The following PPARGC1A variants were observed in gnomAD, a reference collection of about 807,000 sequenced individuals.
PPARGC1A encodes the protein peroxisome proliferator-activated receptor gamma coactivator 1-alpha.
Under a neutral mutation model 88.7 loss-of-function variants are expected in PPARGC1A, and 25 were observed. That is an observed-to-expected ratio of 0.28 (90% CI 0.21 to 0.39). The LOEUF (loss-of-function observed/expected upper bound fraction) is 0.39, where lower values mean the gene tolerates loss of function less well. PPARGC1A is among the 10% of genes least tolerant of loss of function. The pLI, the probability that PPARGC1A is intolerant of heterozygous loss-of-function variation, is 1.00. For synonymous variants in PPARGC1A, 363 were observed against 355.6 expected, an observed-to-expected ratio of 1.02 and a Z score of -0.24; for missense variants, 880 against 968.7, an observed-to-expected ratio of 0.91 and a Z score of 1.22.
At chr4:24,151,669 G>A in the PPARGC1A span, among the ~76,000 whole-genome samples, 13 of 152,104 alleles carry the variant, frequency 8.5e-5, no homozygotes, top group Admixed American at 5.9e-4. Flanking sequence ...ACAAAGATGA[G>A]TAGGTACTAT....
the PPARGC1A span, among the ~76,000 whole-genome samples, chr4:24,413,161 A>G: frequency 9.5e-4 from 145 of 152,246 alleles, 1 homozygote; most frequent in African/African-American, 3.4e-3. Flanking sequence ...TGACTCCGCC[A>G]ACAGTAAAGA....
At chr4:23,807,297 T>G (rs149644223) in intron 10 of PPARGC1A, among the ~76,000 whole-genome samples, 3 of 152,302 alleles carry the variant, frequency 2.0e-5, no homozygotes, top group Non-Finnish European at 4.4e-5. Context: ...TTATCTAACC[T>G]AATTCATTAG....
At chr4:23,817,759 A>G (rs1468000464) in intron 7 of PPARGC1A, among the ~76,000 whole-genome samples, 1 of 152,212 alleles carries the variant, frequency 6.6e-6, no homozygotes, top group Non-Finnish European at 1.5e-5. Flanking sequence ...ACCGGAGAAT[A>G]TCTCAAAGCA....
chr4:24,465,158 G>A, the PPARGC1A span, among the ~76,000 whole-genome samples: 1 of 152,156 alleles, frequency 6.6e-6, no homozygotes, highest in African/African-American at 2.4e-5. Context: ...GAAAAACCGT[G>A]CTCTGGCAAA....
the PPARGC1A span, among the ~76,000 whole-genome samples, chr4:24,051,039 AT>A: frequency 6.6e-6 from 1 of 151,826 alleles, no homozygotes; most frequent in Non-Finnish European, 1.5e-5. Flanking sequence ...TACAAAAAAA[AT>A]AGCCAGGCAT....
the PPARGC1A span, among the ~76,000 whole-genome samples, chr4:24,043,126 C>T: frequency 1.3e-5 from 2 of 152,264 alleles, no homozygotes; most frequent in South Asian, 4.2e-4. Flanking sequence ...CACAGGTCCT[C>T]TCCTATGGAA....
chr4:24,158,553 A>G, the PPARGC1A span, among the ~76,000 whole-genome samples: 1 of 152,184 alleles, frequency 6.6e-6, no homozygotes, highest in Non-Finnish European at 1.5e-5. Flanking sequence ...AGATAATTAT[A>G]TTGTAATTAG....
the PPARGC1A span, among the ~76,000 whole-genome samples, chr4:24,057,902 G>T: frequency 1.3e-5 from 2 of 152,202 alleles, no homozygotes; most frequent in Non-Finnish European, 2.9e-5. Flanking sequence ...GGTTCCCAAA[G>T]CAATGGGCTC....
chr4:24,196,743 C>T, the PPARGC1A span, among the ~76,000 whole-genome samples: 2 of 152,192 alleles, frequency 1.3e-5, no homozygotes, highest in Non-Finnish European at 2.9e-5. Context: ...ATCTCAAATG[C>T]TAAACAAAAA....
At chr4:24,355,360 G>A in the PPARGC1A span, among the ~76,000 whole-genome samples, 1 of 152,190 alleles carries the variant, frequency 6.6e-6, no homozygotes, top group Non-Finnish European at 1.5e-5. Flanking sequence ...AAGAATGGCT[G>A]GAGAGAGAAG....
At chr4:23,937,370 T>G in the PPARGC1A span, among the ~76,000 whole-genome samples, 7 of 152,044 alleles carry the variant, frequency 4.6e-5, no homozygotes, top group Admixed American at 1.3e-4. Context: ...TACCAGGAAA[T>G]TGGGGCAGAA....
chr4:23,975,824 A>T, the PPARGC1A span, among the ~76,000 whole-genome samples: 1 of 152,234 alleles, frequency 6.6e-6, no homozygotes, highest in Non-Finnish European at 1.5e-5. Flanking sequence ...TGCAATCTTG[A>T]GCAAATTATG....
intron 2 of PPARGC1A, among the ~76,000 whole-genome samples, chr4:23,879,399 G>C (rs1422904989): frequency 6.6e-6 from 1 of 152,194 alleles, no homozygotes; most frequent in Non-Finnish European, 1.5e-5. Flanking sequence ...GCAGTGGAAA[G>C]ATAGAGGGCC....
chr4:24,138,060 G>A, the PPARGC1A span, among the ~76,000 whole-genome samples: 61 of 152,268 alleles, frequency 4.0e-4, no homozygotes, highest in East Asian at 5.8e-4. Flanking sequence ...CAGGTCACGT[G>A]AGCATAGAGC....
chr4:24,449,467 A>T, the PPARGC1A span, among the ~76,000 whole-genome samples: 1 of 152,230 alleles, frequency 6.6e-6, no homozygotes, highest in Non-Finnish European at 1.5e-5. Context: ...ATTATCTTGT[A>T]ACTGCATTCA....
At chr4:24,243,515 G>C in the PPARGC1A span, among the ~76,000 whole-genome samples, 1 of 152,176 alleles carries the variant, frequency 6.6e-6, no homozygotes, top group Non-Finnish European at 1.5e-5. Flanking sequence ...CTAGAAAGAG[G>C]ATGGATGTAA....
At chr4:24,441,243 C>T in the PPARGC1A span, among the ~76,000 whole-genome samples, 71 of 152,232 alleles carry the variant, frequency 4.7e-4, no homozygotes, top group African/African-American at 1.7e-3. Flanking sequence ...AGTATTCCAC[C>T]CTAGCAGGTG....
At chr4:24,372,133 A>T in the PPARGC1A span, among the ~76,000 whole-genome samples, 1 of 152,134 alleles carries the variant, frequency 6.6e-6, no homozygotes, top group African/African-American at 2.4e-5. Flanking sequence ...TTCACCCCAG[A>T]CAGCCACTAA....
the PPARGC1A span, among the ~76,000 whole-genome samples, chr4:24,164,345 T>C: frequency 9.5e-4 from 145 of 152,280 alleles, no homozygotes; most frequent in African/African-American, 3.5e-3. Context: ...AAAATTCCAA[T>C]AAGCAGCACA....
Sources: allele counts gnomAD v4.1 joint callset (sites outside exome capture counted in the v4.1 genomes callset), GRCh38; gene constraint gnomAD v4.1.1; transcripts MANE v1.5; gene names NCBI Gene and HGNC (gene_info 2026-07-23, HGNC 2026-07-21).